The following GOLGA4 variants were observed in gnomAD, a reference collection of about 807,000 sequenced individuals.
GOLGA4 encodes the protein golgin A4, also known as golgin subfamily A member 4.
Under a neutral mutation model 265.9 loss-of-function variants are expected in GOLGA4, and 169 were observed. That is an observed-to-expected ratio of 0.64 (90% confidence interval 0.56 to 0.72). The LOEUF is 0.72. Ranked by LOEUF, GOLGA4 falls within the 30% of genes least tolerant of loss-of-function variation. The pLI, the probability that GOLGA4 is intolerant of heterozygous loss-of-function variation, is 0.00. For synonymous variants in GOLGA4, 923 were observed against 855.8 expected (o/e 1.08, Z -1.37); for missense variants, 2,482 against 2,483.4 (o/e 1.00, Z 0.01).
chr3:37,258,938 G>A (rs1383595874), intron 2 of GOLGA4, among the ~76,000 whole-genome samples: 1 of 152,002 alleles, frequency 6.6e-6, no homozygotes, highest in African/African-American at 2.4e-5. Context: ...ATGCTGGTCT[G>A]CAGTTTTCTT....
At chr3:37,265,865 C>T (rs376844909) in intron 2 of GOLGA4, among the ~76,000 whole-genome samples, 4 of 151,456 alleles carry the variant, frequency 2.6e-5, no homozygotes, top group South Asian at 2.1e-4. Context: ...GGTGAAACCC[C>T]GTCTCTACAA....
chr3:37,319,232 T>C (rs1313955388), intron 12 of GOLGA4, 38 bp downstream of exon 12: 4 of 1,506,316 alleles, frequency 2.7e-6, no homozygotes, highest in East Asian at 2.3e-5. Flanking sequence ...ATAGGTATAC[T>C]TCTCAGAGTT....
In GOLGA4 at chr3:37,326,215, A is replaced by G; in HGVS notation, c.4329A>G (p.Ser1443=). 3 of 1,613,654 alleles carry G rather than the reference A, an allele frequency of 1.9e-6. No individual in the cohort carries two copies. Among genetic ancestry groups the G allele is most frequent in the Non-Finnish European group, 2.5e-6 (3 of 1,179,594 alleles). Residue 1443 remains serine, a synonymous_variant, in exon 14 of 24, where the codon TCA becomes TCG. Transcript: ENST00000361924. ...EQVDDWSNKF[S]EWKKKAQSRF... Reference sequence around the variant, plus strand: ...TAGATGACTGGTCCAATAAATTCTCAGAATGGAAGAAGAAAGCACAGTCAA... The same window carrying G: ...TAGATGACTGGTCCAATAAATTCTCGGAATGGAAGAAGAAAGCACAGTCAA...
chr3:37,251,607 AT>A (rs1190086822), intron 2 of GOLGA4, 123 bp downstream of exon 2: 10 of 580,422 alleles, frequency 1.7e-5, no homozygotes, highest in Non-Finnish European at 2.4e-5. Flanking sequence ...TAGAGTTTTT[AT>A]TAGTAACACA....
intron 7 of GOLGA4, among the ~76,000 whole-genome samples, chr3:37,296,771 A>G (rs1285161726): frequency 6.6e-6 from 1 of 151,950 alleles, no homozygotes; most frequent in African/African-American, 2.4e-5. Flanking sequence ...GGCTTTCACT[A>G]TGTTGGCCAG....
intron 5 of GOLGA4, among the ~76,000 whole-genome samples, chr3:37,289,536 G>A (rs1359659223): frequency 6.6e-6 from 1 of 152,214 alleles, no homozygotes; most frequent in Non-Finnish European, 1.5e-5. Flanking sequence ...TGAACAGTCA[G>A]CGTCAACTTC....
chr3:37,262,185 A>T (rs2096771438), intron 2 of GOLGA4, among the ~76,000 whole-genome samples: 1 of 152,220 alleles, frequency 6.6e-6, no homozygotes, highest in South Asian at 2.1e-4. Context: ...ACTAGACTAG[A>T]TGGATACGAA....
chr3:37,346,238 C>T (rs796683982), intron 20 of GOLGA4, among the ~76,000 whole-genome samples: 10 of 152,236 alleles, frequency 6.6e-5, no homozygotes, highest in African/African-American at 2.4e-4. Context: ...TTTAACACCT[C>T]AGAATCCACC....
At chr3:37,295,612 A>G (rs1433461000) in intron 6 of GOLGA4, among the ~76,000 whole-genome samples, 1 of 152,252 alleles carries the variant, frequency 6.6e-6, no homozygotes, top group Non-Finnish European at 1.5e-5. Context: ...CTGTATTGGG[A>G]GTAAACTTTT....
intron 10 of GOLGA4, among the ~76,000 whole-genome samples, chr3:37,311,210 G>A (rs145780486): frequency 1.9e-3 from 282 of 152,192 alleles, no homozygotes; most frequent in Non-Finnish European, 3.0e-3. Flanking sequence ...CTTCATTTGT[G>A]ATACAGTGTA....
chr3:37,282,852 CTT>C (rs2096838507), intron 3 of GOLGA4, among the ~76,000 whole-genome samples: 1 of 152,210 alleles, frequency 6.6e-6, no homozygotes, highest in Non-Finnish European at 1.5e-5. Flanking sequence ...GTCCATTTCA[CTT>C]TTCAATCCTT....
At chr3:37,358,629 G>T (rs1266251014) in intron 22 of GOLGA4, among the ~76,000 whole-genome samples, 1 of 152,122 alleles carries the variant, frequency 6.6e-6, no homozygotes, top group East Asian at 1.9e-4. Flanking sequence ...AGTTGCCTGC[G>T]CTGAGTGATA....
intron 20 of GOLGA4, among the ~76,000 whole-genome samples, chr3:37,344,294 G>T (rs927848835): frequency 6.6e-6 from 1 of 152,132 alleles, no homozygotes; most frequent in Non-Finnish European, 1.5e-5. Flanking sequence ...TAGAGATGGG[G>T]TTTCGCCATG....
intron 23 of GOLGA4, among the ~76,000 whole-genome samples, chr3:37,364,761 A>T (rs7611351): frequency 0.32 from 46,779 of 148,380 alleles, 8,127 homozygotes; most frequent in Non-Finnish European, 0.4. Context: ...TATTTTTTTT[A>T]AAAAAAAGTT....
chr3:37,324,661 G>A lies in GOLGA4; in HGVS notation c.2775G>A (p.Glu925=). The part of the protein sequence containing the change: ...QMREGQKKEI[E]ILTQKLSAKE... Reference sequence around the variant, plus strand: ...GAGAAGGACAGAAGAAAGAAATTGAGATACTCACACAGAAATTGTCAGCCA... The same window carrying A: ...GAGAAGGACAGAAGAAAGAAATTGAAATACTCACACAGAAATTGTCAGCCA... Residue 925 remains glutamate, a synonymous_variant, in exon 14 of 24, where the codon GAG becomes GAA. Transcript: ENST00000361924. 1.2e-6 allele frequency: 2 copies of A among 1,612,538 alleles called. No homozygotes were observed. The highest frequency in any genetic ancestry group is 1.7e-6 in the Non-Finnish European group (2 of 1,179,378).
intron 1 of GOLGA4, chr3:37,250,404 T>C (rs1315966527): frequency 6.6e-6 from 1 of 152,214 alleles, no homozygotes; most frequent in Non-Finnish European, 1.5e-5. Context: ...GCTAAATATG[T>C]ATATGTCTGT....
chr3:37,355,270 G>T, intron 22 of GOLGA4, 83 bp downstream of exon 22: 1 of 734,524 alleles, frequency 1.4e-6, no homozygotes. Flanking sequence ...CTTTTGAGTT[G>T]GTAAAATAAA....
intron 20 of GOLGA4, among the ~76,000 whole-genome samples, chr3:37,346,092 G>A (rs1040350415): frequency 6.6e-5 from 10 of 152,074 alleles, no homozygotes; most frequent in Non-Finnish European, 1.2e-4. Flanking sequence ...GAAATAATGT[G>A]TTTTCATTAT....
intron 23 of GOLGA4, among the ~76,000 whole-genome samples, chr3:37,364,752 A>T (rs1696616295): frequency 6.7e-6 from 1 of 150,352 alleles, no homozygotes; most frequent in Non-Finnish European, 1.5e-5. Context: ...ACACCTAGCT[A>T]TTTTTTTTAA....
Sources: allele counts gnomAD v4.1 joint callset (sites outside exome capture counted in the v4.1 genomes callset), GRCh38; gene constraint gnomAD v4.1.1; transcripts MANE v1.5; gene names NCBI Gene and HGNC (gene_info 2026-07-23, HGNC 2026-07-21).